The following ARHGAP24 variants were observed in gnomAD, a reference collection of about 807,000 sequenced individuals.
ARHGAP24 encodes the protein Rho GTPase activating protein 24, also known as rho GTPase-activating protein 24.
ARHGAP24 carries 50 observed loss-of-function variants against 76.4 expected under a neutral mutation model. The observed-to-expected ratio is 0.65, with a 90% CI of 0.52 to 0.83. The LOEUF is 0.83. Among genes scored for constraint, ARHGAP24 ranks in the 40% least tolerant of loss-of-function variants. The pLI, the probability that ARHGAP24 is intolerant of heterozygous loss-of-function variation, is 0.00. For missense variants in ARHGAP24, 930 were observed against 914.2 expected (o/e 1.02, Z -0.22); for synonymous variants, 345 against 323.3 (o/e 1.07, Z -0.72).
chr4:85,623,305 T>G (rs1720792668), intron 2 of ARHGAP24, among the ~76,000 whole-genome samples: 1 of 152,192 alleles, frequency 6.6e-6, no homozygotes, highest in Non-Finnish European at 1.5e-5. Flanking sequence ...AGTTTCAGCT[T>G]TCTACATATG....
At chr4:85,832,810 A>T (rs1730061639) in intron 3 of ARHGAP24, among the ~76,000 whole-genome samples, 1 of 152,248 alleles carries the variant, frequency 6.6e-6, no homozygotes, top group Non-Finnish European at 1.5e-5. Context: ...TTACATGCAC[A>T]GGGGCGATGC....
chr4:85,713,972 C>A (rs1470083098), intron 2 of ARHGAP24, among the ~76,000 whole-genome samples: 1 of 152,114 alleles, frequency 6.6e-6, no homozygotes, highest in East Asian at 1.9e-4. Context: ...AGGTCTCTTA[C>A]AATTTTGAGA....
intron 3 of ARHGAP24, among the ~76,000 whole-genome samples, chr4:85,838,270 A>G (rs1297433960): frequency 6.6e-6 from 1 of 152,196 alleles, no homozygotes; most frequent in African/African-American, 2.4e-5. Flanking sequence ...CTGCCTCTCA[A>G]GAGAGACATG....
rs375488561 is a variant in ARHGAP24 at position 85,572,968 on chromosome 4, C to A, written c.180+2247C>A. Among the ~76,000 whole-genome samples the A allele has an allele frequency of 6.7e-5, 10 of 149,820 alleles. No individual in the cohort carries two copies. In the South Asian group the frequency reaches 1.7e-3, roughly 26 times the overall value. ...CTCGGCTCACTGCAACCTCTGCCTC[C>A]TGGGTTCAAGCGATTCTCCTGTCTC... On this transcript the variant is annotated intron_variant, in intron 2 of 9. Transcript: ENST00000395184.
chr4:85,912,156 A>G (rs543052212), intron 3 of ARHGAP24, among the ~76,000 whole-genome samples: 1 of 152,360 alleles, frequency 6.6e-6, no homozygotes, highest in Non-Finnish European at 1.5e-5. Context: ...GAGTTAAGAA[A>G]ATATCCCCAA....
chr4:85,572,979 C>T (rs1369680582), intron 2 of ARHGAP24, among the ~76,000 whole-genome samples: 9 of 148,334 alleles, frequency 6.1e-5, no homozygotes, highest in African/African-American at 2.0e-4. Flanking sequence ...TGGGTTCAAG[C>T]GATTCTCCTG....
At position 85,722,337 on chromosome 4, in the gene ARHGAP24, G is replaced by A; in HGVS notation, c.268+365G>A. The stretch of plus-strand genomic sequence containing the variant: ...GAATGCTTTGCCCAGTGGAATCACT[G>A]ACATATTTCCTCACAAAATTGTATC... On this transcript the variant is annotated intron_variant, in intron 3 of 9. Transcript: ENST00000395184. The A allele has an allele frequency of 3.0e-5, 5 of 167,496 alleles. No individual in the cohort carries two copies. In the South Asian group the frequency reaches 4.2e-4, roughly 14 times the overall value. 10.4% of individuals were successfully genotyped at this position (167,496 alleles called of 1,614,324 possible).
At chr4:85,558,212 T>C (rs555621568) in intron 1 of ARHGAP24, among the ~76,000 whole-genome samples, 1 of 152,244 alleles carries the variant, frequency 6.6e-6, no homozygotes, top group Admixed American at 6.5e-5. Context: ...GATGGTGGCA[T>C]CAACGAGAAA....
rs188009402 is a variant in ARHGAP24 at position 85,850,224 on chromosome 4, G to C, written c.269-73424G>C. On this transcript the variant is annotated intron_variant, in intron 3 of 9. Coordinates refer to ENST00000395184, the MANE Select transcript of ARHGAP24 (RefSeq NM_001025616.3). ...TTATCCATTTCTTCTAGATTTTCTA[G>C]TTTATTTGCGTAGAGGTGTTTATAG... Among the ~76,000 whole-genome samples, 573 of 152,290 alleles carry C rather than the reference G, an allele frequency of 3.8e-3. 2 individuals carry two copies. Among genetic ancestry groups the C allele is most frequent in the African/African-American group, 0.013 (536 of 41,566 alleles).
chr4:85,730,557 A>G (rs1267322185), intron 3 of ARHGAP24, among the ~76,000 whole-genome samples: 1 of 151,978 alleles, frequency 6.6e-6, no homozygotes, highest in Non-Finnish European at 1.5e-5. Context: ...CCACAAGTTC[A>G]CACCACCATG....
At chr4:85,587,233 A>C (rs1727898077) in intron 2 of ARHGAP24, among the ~76,000 whole-genome samples, 1 of 152,210 alleles carries the variant, frequency 6.6e-6, no homozygotes, top group South Asian at 2.1e-4. Flanking sequence ...TAATTGACCC[A>C]ACAGAACAGA....
In ARHGAP24 at chr4:86,001,815, G is replaced by T. The variant is rs1164646732; in HGVS notation, c.*1093G>T. On this transcript the variant is annotated 3_prime_UTR_variant, in exon 10 of 10. Coordinates refer to ENST00000395184, the MANE Select transcript of ARHGAP24 (RefSeq NM_001025616.3). ...TGGGATTCTCTCCCTACTACAGCTG[G>T]CAAAGTTGGTTTGCAGCAAGAAGAT... is the stretch of plus-strand genomic sequence containing the variant. The T allele has an allele frequency of 5.8e-6, 1 of 171,932 alleles. No homozygotes were observed. The highest frequency in any genetic ancestry group is 1.5e-4 in the East Asian group (1 of 6,618). 10.7% of individuals were successfully genotyped at this position (171,932 alleles called of 1,614,324 possible).
In ARHGAP24 at chr4:85,923,904, A is replaced by G. The variant is rs1042114307; in HGVS notation, c.391+134A>G. On this transcript the variant is annotated intron_variant, in intron 4 of 9. Coordinates refer to ENST00000395184, the MANE Select transcript of ARHGAP24 (RefSeq NM_001025616.3). ...TAAAATAAATTGTAAATTGTTCAAC[A>G]TTATTGTTAGACGTATGTCTTCGTA... is the stretch of plus-strand genomic sequence containing the variant. 15 of 1,338,172 alleles carry G rather than the reference A, an allele frequency of 1.1e-5. No individual in the cohort carries two copies. In the African/African-American group the frequency reaches 1.5e-4, roughly 13 times the overall value. 82.9% of individuals were successfully genotyped at this position (1,338,172 alleles called of 1,614,324 possible).
At chr4:85,546,311 A>G (rs1324128595) in intron 1 of ARHGAP24, among the ~76,000 whole-genome samples, 2 of 152,118 alleles carry the variant, frequency 1.3e-5, no homozygotes, top group Non-Finnish European at 2.9e-5. Flanking sequence ...TGTTTTCTAA[A>G]CTGAGGCATG....
At chr4:85,685,660 A>G (rs1294083908) in intron 2 of ARHGAP24, among the ~76,000 whole-genome samples, 1 of 151,496 alleles carries the variant, frequency 6.6e-6, no homozygotes, top group East Asian at 1.9e-4. Flanking sequence ...AAAGAAAAAG[A>G]AGTCTCCACA....
In ARHGAP24 at chr4:85,796,180, CCA is replaced by C. The variant is rs199821426; in HGVS notation, c.268+74211_268+74212del. 9.2e-3 allele frequency among the ~76,000 whole-genome samples: 1,380 copies of C among 150,180 alleles called. 27 individuals are homozygous for C. Among genetic ancestry groups the C allele is most frequent in the African/African-American group, 0.031 (1,276 of 40,866 alleles). ...CTTGTATCAGAGTTGTGAAATTTAC[CCA>C]CAGTTTAGTTTTATACCTACTACAC... On this transcript the variant is annotated intron_variant, in intron 3 of 9. Transcript: ENST00000395184.
At chr4:85,769,874 A>G (rs1204001461) in intron 3 of ARHGAP24, among the ~76,000 whole-genome samples, 1 of 152,154 alleles carries the variant, frequency 6.6e-6, no homozygotes, top group Non-Finnish European at 1.5e-5. Flanking sequence ...GGCATGAGCC[A>G]CCGCGCCTGG....
At chr4:85,584,594 T>G (rs1428262013) in intron 2 of ARHGAP24, among the ~76,000 whole-genome samples, 1 of 151,242 alleles carries the variant, frequency 6.6e-6, no homozygotes, top group Non-Finnish European at 1.5e-5. Context: ...AGTATAATAA[T>G]AATAAAAGAA....
intron 3 of ARHGAP24, among the ~76,000 whole-genome samples, chr4:85,898,502 A>G (rs17011151): frequency 0.014 from 2,071 of 152,282 alleles, 42 homozygotes; most frequent in African/African-American, 0.045. Context: ...GAATAGAGTT[A>G]GTCTAGGATA....
Sources: allele counts gnomAD v4.1 joint callset (sites outside exome capture counted in the v4.1 genomes callset), GRCh38; gene constraint gnomAD v4.1.1; transcripts MANE v1.5; gene names NCBI Gene and HGNC (gene_info 2026-07-23, HGNC 2026-07-21).